ASTN2: variants seen among roughly 807,000 people sequenced by gnomAD.
The protein encoded by ASTN2 is astrotactin 2.
Under a neutral mutation model 139.8 loss-of-function variants are expected in ASTN2, and 54 were observed. That is an observed-to-expected ratio of 0.39 (90% CI 0.31 to 0.48). The LOEUF (loss-of-function observed/expected upper bound fraction) is 0.48. ASTN2 is among the 20% of genes least tolerant of loss of function. The pLI is 0.95. For synonymous variants in ASTN2, 756 were observed against 719.5 expected, an observed-to-expected ratio of 1.05 and a Z score of -0.81; for missense variants, 1,565 against 1,725.1, an observed-to-expected ratio of 0.91 and a Z score of 1.64.
intron 16 of ASTN2, among the ~76,000 whole-genome samples, chr9:116,677,607 C>A (rs974516178): frequency 1.3e-5 from 2 of 152,126 alleles, no homozygotes; most frequent in Admixed American, 1.3e-4. Context: ...CCCCACCCCC[C>A]ACTGGAAGAT....
intron 2 of ASTN2, among the ~76,000 whole-genome samples, chr9:117,221,825 G>A (rs1473859584): frequency 6.8e-6 from 1 of 146,636 alleles, no homozygotes; most frequent in Non-Finnish European, 1.5e-5. Flanking sequence ...TTAGAAAATA[G>A]TCTAAGTCTT....
Position 116,675,103 on chromosome 9 carries a change from C to T in ASTN2, c.2807-23310G>A, listed in dbSNP as rs555797429. The stretch of plus-strand genomic sequence containing the variant: ...CTGCTCATGGTTCAGTGCCCCCCCA[C>T]GCTCCAGCAATGGATCCAGAGGCCA... On this transcript the variant is annotated intron_variant, in intron 16 of 22. Coordinates refer to ENST00000313400, the MANE Select transcript of ASTN2 (RefSeq NM_001365068.1). Among the ~76,000 whole-genome samples the T allele has an allele frequency of 2.4e-4, 37 of 152,260 alleles. No individual in the cohort carries two copies. The South Asian group carries it at 4.6e-3, about 19-fold the overall frequency.
intron 3 of ASTN2, among the ~76,000 whole-genome samples, chr9:117,197,579 G>A (rs1252894442): frequency 6.6e-6 from 1 of 152,046 alleles, no homozygotes; most frequent in Admixed American, 6.6e-5. Context: ...GTAGGTGCAA[G>A]TGTGTGTGTG....
In ASTN2 at chr9:116,531,634, T is replaced by C. The variant is rs200001118; in HGVS notation, c.3356-44134A>G. Among the ~76,000 whole-genome samples the C allele has an allele frequency of 3.2e-3, 488 of 152,072 alleles. 2 individuals carry two copies. Among genetic ancestry groups the C allele is most frequent in the African/African-American group, 0.01 (432 of 41,492 alleles). ...TGTGGTGGTTGGTTTTTTGTCCTTG[T>C]GATAGTTTGCTGAGAATGATGGTTT... On this transcript the variant is annotated intron_variant, in intron 19 of 22. Coordinates refer to ENST00000313400, the MANE Select transcript of ASTN2 (RefSeq NM_001365068.1).
chr9:116,816,705 G>C (rs1831338226), intron 12 of ASTN2, among the ~76,000 whole-genome samples: 1 of 152,036 alleles, frequency 6.6e-6, no homozygotes, highest in African/African-American at 2.4e-5. Flanking sequence ...AAGCTATGAG[G>C]CTATCACAGG....
intron 2 of ASTN2, among the ~76,000 whole-genome samples, chr9:117,234,658 G>T (rs1229370972): frequency 1.3e-5 from 2 of 152,196 alleles, no homozygotes; most frequent in East Asian, 1.9e-4. Flanking sequence ...CTAAATGGAG[G>T]TTGGGGGTCT....
intron 19 of ASTN2, among the ~76,000 whole-genome samples, chr9:116,513,666 T>C (rs1850508541): frequency 6.6e-6 from 1 of 152,250 alleles, no homozygotes; most frequent in Admixed American, 6.5e-5. Flanking sequence ...TCTTTTCACA[T>C]AGTCCCATAT....
chr9:116,615,364 C>T (rs905453805), intron 19 of ASTN2, among the ~76,000 whole-genome samples: 5 of 152,136 alleles, frequency 3.3e-5, no homozygotes, highest in African/African-American at 1.2e-4. Context: ...ACCCAGCCAT[C>T]CCATTACTGG....
At chr9:116,675,293 T>C (rs896980546) in intron 16 of ASTN2, among the ~76,000 whole-genome samples, 1 of 152,146 alleles carries the variant, frequency 6.6e-6, no homozygotes, top group African/African-American at 2.4e-5. Flanking sequence ...TGTAGCTCCA[T>C]TGTAGGGTGT....
intron 10 of ASTN2, among the ~76,000 whole-genome samples, chr9:116,950,956 C>T (rs1835540992): frequency 6.6e-6 from 1 of 152,092 alleles, no homozygotes; most frequent in African/African-American, 2.4e-5. Context: ...GTCTCTACAG[C>T]TCCTGGTGCC....
At chr9:116,845,454 G>C (rs1832400221) in intron 11 of ASTN2, among the ~76,000 whole-genome samples, 1 of 152,160 alleles carries the variant, frequency 6.6e-6, no homozygotes, top group African/African-American at 2.4e-5. Context: ...GAAGAATCTA[G>C]ACCAATGGTA....
chr9:117,150,761 C>A (rs558033594), intron 3 of ASTN2, among the ~76,000 whole-genome samples: 2 of 152,266 alleles, frequency 1.3e-5, no homozygotes, highest in South Asian at 4.1e-4. Flanking sequence ...GTGGTGCAGT[C>A]ATATAGCTTA....
intron 10 of ASTN2, among the ~76,000 whole-genome samples, chr9:116,906,121 G>T (rs1834152327): frequency 6.6e-6 from 1 of 152,042 alleles, no homozygotes; most frequent in Non-Finnish European, 1.5e-5. Flanking sequence ...GAGATGACCA[G>T]GGAAGGTTGC....
chr9:116,799,706 T>TGGGGGGGG (rs71379228), intron 13 of ASTN2, among the ~76,000 whole-genome samples: 10 of 123,232 alleles, frequency 8.1e-5, no homozygotes, highest in African/African-American at 3.1e-4. Context: ...GGTAAGAGAG[T>TGGGGGGGG]GGGGGGGGGG....
chr9:116,433,903 C>A (rs933406469), intron 22 of ASTN2, among the ~76,000 whole-genome samples: 3 of 152,158 alleles, frequency 2.0e-5, no homozygotes, highest in Non-Finnish European at 4.4e-5. Flanking sequence ...TAAGACTTTT[C>A]AAAAATGTGT....
intron 5 of ASTN2, among the ~76,000 whole-genome samples, chr9:117,050,341 C>A (rs1019614394): frequency 1.8e-4 from 28 of 152,106 alleles, no homozygotes; most frequent in Non-Finnish European, 3.8e-4. Context: ...GACTTTGGCC[C>A]ACACTTTGTG....
chr9:117,109,921 T>C (rs894862874), intron 4 of ASTN2, among the ~76,000 whole-genome samples: 1 of 152,182 alleles, frequency 6.6e-6, no homozygotes, highest in African/African-American at 2.4e-5. Context: ...CTTCTCCCTC[T>C]ATGCTTCCCA....
At chr9:117,184,133 C>A (rs1428286022) in intron 3 of ASTN2, among the ~76,000 whole-genome samples, 3 of 152,180 alleles carry the variant, frequency 2.0e-5, no homozygotes, top group Admixed American at 2.0e-4. Flanking sequence ...CAGGCTGAGG[C>A]CCAGGGTTGA....
At chr9:116,799,561 A>G (rs1830786298) in intron 13 of ASTN2, among the ~76,000 whole-genome samples, 2 of 151,950 alleles carry the variant, frequency 1.3e-5, no homozygotes, top group African/African-American at 4.8e-5. Context: ...CCCCATTCCC[A>G]AGCAGCTTTT....
Sources: gnomAD v4.1 joint callset for allele counts (sites outside exome capture counted in the v4.1 genomes callset) on GRCh38, gnomAD v4.1.1 for gene constraint, MANE v1.5 for transcripts, NCBI Gene and HGNC (gene_info 2026-07-23, HGNC 2026-07-21) for gene names.